Variants in VIPR2 observed in about 807,000 individuals in gnomAD.
VIPR2 encodes vasoactive intestinal polypeptide receptor 2.
A neutral mutation model predicts 58.0 loss-of-function variants in VIPR2; 48 were observed. The observed-to-expected ratio is 0.83, with a 90% CI of 0.66 to 1.05. The LOEUF (loss-of-function observed/expected upper bound fraction) is 1.05, where lower values mean the gene tolerates loss of function less well. VIPR2 is among the 50% of genes least tolerant of loss of function. The pLI is 0.00. For synonymous variants in VIPR2, 243 were observed against 235.2 expected (o/e 1.03, Z -0.30); for missense variants, 534 against 558.0 (o/e 0.96, Z 0.43).
chr7:159,069,887 G>A (rs1381073106), intron 4 of VIPR2, among the ~76,000 whole-genome samples: 1 of 152,198 alleles, frequency 6.6e-6, no homozygotes, highest in African/African-American at 2.4e-5. Flanking sequence ...AAGATTGGGT[G>A]TAATTTTACT....
intron 2 of VIPR2, among the ~76,000 whole-genome samples, chr7:159,112,379 A>G (rs2129496383): frequency 6.6e-6 from 1 of 152,344 alleles, no homozygotes; most frequent in East Asian, 1.9e-4. Context: ...AAGCGCTGCC[A>G]CAGTGCCGGT....
chr7:159,097,016 G>A lies in VIPR2; in HGVS notation c.357+6741C>T. On this transcript the variant is annotated intron_variant, in intron 4 of 12. Coordinates refer to ENST00000262178, the MANE Select transcript of VIPR2 (RefSeq NM_003382.5). This position sits in a 1 kb window ranked among gnomAD's most constrained non-coding sequence, Gnocchi z 5.3. ...TTCAGAAAAGCTGCTGCTCTCAGAG[G>A]TGATTTGGGGCAGGCCGCTCTGGGG... The A allele has an allele frequency of 6.4e-7, 1 of 1,550,516 alleles. No homozygotes were observed. Among genetic ancestry groups the A allele is most frequent in the Non-Finnish European group, 8.7e-7 (1 of 1,146,950 alleles).
intron 2 of VIPR2, among the ~76,000 whole-genome samples, chr7:159,140,764 C>T (rs748243543): frequency 1.1e-4 from 17 of 152,130 alleles, no homozygotes; most frequent in Non-Finnish European, 1.9e-4. Flanking sequence ...CCCTAGCGCC[C>T]GATATGACTC....
intron 4 of VIPR2, among the ~76,000 whole-genome samples, chr7:159,094,326 G>C (rs1234988740): frequency 2.6e-5 from 4 of 152,168 alleles, no homozygotes. Context: ...TTAGACACAG[G>C]CCAGAGAGTG....
chr7:159,042,507 TAATA>T (rs1475109698), intron 6 of VIPR2, among the ~76,000 whole-genome samples: 1 of 152,214 alleles, frequency 6.6e-6, no homozygotes, highest in African/African-American at 2.4e-5. Context: ...TTGTAGGAAC[TAATA>T]ATTAAGATTA....
chr7:159,111,201 G>A (rs1396095763), intron 2 of VIPR2, among the ~76,000 whole-genome samples: 1 of 151,338 alleles, frequency 6.6e-6, no homozygotes, highest in Non-Finnish European at 1.5e-5. Flanking sequence ...TGTCAGGATG[G>A]GGTTCCTAGC....
intron 4 of VIPR2, among the ~76,000 whole-genome samples, chr7:159,086,934 C>T (rs1857208140): frequency 6.6e-6 from 1 of 152,230 alleles, no homozygotes; most frequent in Admixed American, 6.5e-5. Context: ...TCAGCTCTTA[C>T]CTCAAATGGT....
At chr7:159,137,369 C>A (rs1472601567) in intron 2 of VIPR2, among the ~76,000 whole-genome samples, 1 of 152,092 alleles carries the variant, frequency 6.6e-6, no homozygotes, top group Non-Finnish European at 1.5e-5. Context: ...AATATAAAGA[C>A]ATTACTTTAA....
At chr7:159,081,010 A>C (rs1408096392) in intron 4 of VIPR2, among the ~76,000 whole-genome samples, 2 of 152,262 alleles carry the variant, frequency 1.3e-5, no homozygotes, top group Non-Finnish European at 2.9e-5. Flanking sequence ...CATGGGTAGG[A>C]ATAATCAATA....
At position 159,135,808 on chromosome 7, in the gene VIPR2, G is replaced by C. The variant is rs186301461; in HGVS notation, c.151+6638C>G. Among the ~76,000 whole-genome samples, 754 of 152,328 alleles carry C rather than the reference G, an allele frequency of 4.9e-3. 1 individual carries two copies. Among genetic ancestry groups the C allele is most frequent in the Non-Finnish European group, 8.7e-3 (590 of 68,032 alleles). On this transcript the variant is annotated intron_variant, in intron 2 of 12. Transcript: ENST00000262178. Reference sequence around the variant, plus strand: ...ATTGCACTCCAGCCTGGGCGACAGAGTGAAACTCCATCTCAGAAAAAATAA... The same window carrying C: ...ATTGCACTCCAGCCTGGGCGACAGACTGAAACTCCATCTCAGAAAAAATAA...
chr7:159,118,147 G>A (rs1796314060), intron 2 of VIPR2, among the ~76,000 whole-genome samples: 1 of 152,134 alleles, frequency 6.6e-6, no homozygotes, highest in South Asian at 2.1e-4. Context: ...TCTTCCTGCT[G>A]GGGGGCTGCT....
At chr7:159,129,058 G>A (rs890161101) in intron 2 of VIPR2, among the ~76,000 whole-genome samples, 10 of 152,256 alleles carry the variant, frequency 6.6e-5, no homozygotes, top group Admixed American at 2.0e-4. Context: ...GTCTGCAGCT[G>A]TAAGAAGAAC....
chr7:159,140,222 G>A (rs1048678415), intron 2 of VIPR2, among the ~76,000 whole-genome samples: 1 of 151,378 alleles, frequency 6.6e-6, no homozygotes, highest in Non-Finnish European at 1.5e-5. Context: ...TAATCGTATG[G>A]ATTTAAAAGT....
At chr7:159,039,602 T>TGG (rs1274225654) in intron 6 of VIPR2, among the ~76,000 whole-genome samples, 22 of 151,906 alleles carry the variant, frequency 1.4e-4, no homozygotes, top group Admixed American at 1.1e-3. Flanking sequence ...TGTTAGTGGG[T>TGG]GGCGCTTTGC....
At chr7:159,144,057 G>A (rs1797586726) in intron 1 of VIPR2, among the ~76,000 whole-genome samples, 1 of 152,262 alleles carries the variant, frequency 6.6e-6, no homozygotes, top group African/African-American at 2.4e-5. Flanking sequence ...CGCGCGCACC[G>A]CAAACCCGCT....
rs1294331479 is a variant in VIPR2 at position 159,030,652 on chromosome 7, GGC to G, written c.1279_1280del (p.Ala427ProfsTer77). 3 of 1,558,556 alleles carry G rather than the reference GGC, an allele frequency of 1.9e-6. No individual in the cohort carries two copies. Among genetic ancestry groups the G allele is most frequent in the Non-Finnish European group, 2.6e-6 (3 of 1,152,730 alleles). On this transcript the variant is annotated frameshift_variant, in exon 13 of 13. Coordinates refer to ENST00000262178, the MANE Select transcript of VIPR2 (RefSeq NM_003382.5). LOFTEE classifies it high-confidence loss of function. ...GALQFHRGSR[A>X]QSFLQTETSV... ...AGGTCTCCGTTTGCAGGAAGGACTG[GGC>G]GCGGGAGCCGCGGTGGAACTGCAGG...
At chr7:159,082,749 T>A (rs78809280) in intron 4 of VIPR2, among the ~76,000 whole-genome samples, 2,044 of 152,248 alleles carry the variant, frequency 0.013, 27 homozygotes, top group Admixed American at 0.029. Context: ...CAGATAGACC[T>A]GCAGACAGAT....
chr7:159,117,394 C>A lies in VIPR2; in HGVS notation c.152-7475G>T, dbSNP rs1268016801. 1.3e-5 allele frequency: 9 copies of A among 717,366 alleles called. No individual in the cohort carries two copies. In the South Asian group the frequency reaches 1.3e-4, roughly 11 times the overall value. 44.4% of individuals were successfully genotyped at this position (717,366 alleles called of 1,614,324 possible). ...ACCTCCGGCGTGAATGAGGATGAAT[C>A]CCTTTGTATGGCCTGTGAACAGACA... On this transcript the variant is annotated intron_variant, in intron 2 of 12. Transcript: ENST00000262178.
At chr7:159,134,605 G>C (rs1396373996) in intron 2 of VIPR2, among the ~76,000 whole-genome samples, 1 of 151,828 alleles carries the variant, frequency 6.6e-6, no homozygotes, top group Admixed American at 6.6e-5. Flanking sequence ...GTTAAAAAAA[G>C]CTTCAAGTAC....
Sources: gnomAD v4.1 joint callset for allele counts (sites outside exome capture counted in the v4.1 genomes callset) on GRCh38, gnomAD v4.1.1 for gene constraint, Gnocchi (gnomAD v3.1) non-coding constraint, MANE v1.5 for transcripts, NCBI Gene and HGNC (gene_info 2026-07-23, HGNC 2026-07-21) for gene names.